SLC30A8: variants seen among roughly 807,000 people sequenced by gnomAD.
SLC30A8 encodes solute carrier family 30 member 8.
In SLC30A8, 27 loss-of-function variants were observed where a neutral mutation model predicts 36.9. That is an observed-to-expected ratio of 0.73 (90% CI 0.54 to 1.01). The LOEUF (loss-of-function observed/expected upper bound fraction) is 1.01, where lower values mean the gene tolerates loss of function less well. Among genes scored for constraint, SLC30A8 ranks in the 50% least tolerant of loss-of-function variants. The probability of loss-of-function intolerance (pLI) is 0.00; values close to 1 mark genes in which losing one functional copy is unlikely to be tolerated. For missense variants in SLC30A8, 439 were observed against 452.0 expected, an observed-to-expected ratio of 0.97 and a Z score of 0.26; for synonymous variants, 164 against 172.4, an observed-to-expected ratio of 0.95 and a Z score of 0.38.
rs201353146 is a variant in SLC30A8 at position 117,163,411 on chromosome 8, G to GT, written c.724-5dup. ...ATGAATTCAGTTAACCAAAATCCCT[G>GT]TTTTTTTTTCTAGCCAGAGTATAAA... On this transcript the variant is annotated splice_polypyrimidine_tract_variant and intron_variant, in intron 5 of 7. Transcript: ENST00000456015. 0.011 allele frequency: 15,927 copies of GT among 1,488,140 alleles called. 33 individuals carry two copies. Among genetic ancestry groups the GT allele is most frequent in the Non-Finnish European group, 0.013 (13,717 of 1,088,140 alleles). The allele number at this position is 1,488,140 out of a possible 1,614,324, so 92.2% of individuals were successfully genotyped here. A position where few individuals can be genotyped will look rare whatever the true frequency, so the allele number is the denominator to read the frequency against.
intron 4 of SLC30A8, among the ~76,000 whole-genome samples, chr8:117,160,594 TC>T (rs1363746919): frequency 6.6e-6 from 1 of 152,220 alleles, no homozygotes; most frequent in African/African-American, 2.4e-5. Context: ...CAAGTTTTTT[TC>T]CTCTCTCTTT....
chr8:117,017,924 C>T (rs1188688321), intron 1 of SLC30A8: 1 of 152,160 alleles, frequency 6.6e-6, no homozygotes, highest in African/African-American at 2.4e-5. Context: ...TTTCTTGTAA[C>T]CATATTTGAA....
chr8:117,150,053 C>A (rs1339835086), intron 2 of SLC30A8, among the ~76,000 whole-genome samples: 3 of 152,164 alleles, frequency 2.0e-5, no homozygotes, highest in Non-Finnish European at 2.9e-5. Context: ...ACACAGACAG[C>A]AACCCTGGTC....
chr8:117,072,811 A>G (rs1000026854), intron 2 of SLC30A8, among the ~76,000 whole-genome samples: 18 of 151,774 alleles, frequency 1.2e-4, no homozygotes, highest in Non-Finnish European at 2.6e-4. Flanking sequence ...AAAGAAAAAA[A>G]CTGCTCAAAC....
intron 2 of SLC30A8, among the ~76,000 whole-genome samples, chr8:117,047,271 C>G (rs980477980): frequency 1.3e-5 from 2 of 152,102 alleles, no homozygotes; most frequent in African/African-American, 4.8e-5. Flanking sequence ...GGGTCGCAGC[C>G]TTGTCTTTGT....
intron 6 of SLC30A8, 130 bp from the exon 7 acceptor site, chr8:117,170,904 T>C (rs1413057017): frequency 2.7e-6 from 2 of 735,046 alleles, no homozygotes; most frequent in African/African-American, 1.8e-5. Context: ...TTTGTAAACA[T>C]TTGAAGTAAG....
chr8:117,021,957 G>A (rs879336506), intron 1 of SLC30A8, among the ~76,000 whole-genome samples: 17 of 148,608 alleles, frequency 1.1e-4, no homozygotes, highest in Non-Finnish European at 2.0e-4. Flanking sequence ...TAGTCATATG[G>A]GAGAAAAAAA....
intron 2 of SLC30A8, among the ~76,000 whole-genome samples, chr8:117,127,078 A>G (rs1820936313): frequency 6.6e-6 from 1 of 152,018 alleles, no homozygotes; most frequent in Non-Finnish European, 1.5e-5. Context: ...ACTGCTTTCT[A>G]GAAGAGAGGC....
At chr8:117,001,244 C>G (rs1158374251) in intron 1 of SLC30A8, among the ~76,000 whole-genome samples, 1 of 112,212 alleles carries the variant, frequency 8.9e-6, no homozygotes, top group East Asian at 2.8e-4. Context: ...TCTCTTTGCT[C>G]ATTGGGTGAA....
At chr8:116,993,208 T>C (rs998515586) in intron 1 of SLC30A8, among the ~76,000 whole-genome samples, 2 of 151,154 alleles carry the variant, frequency 1.3e-5, no homozygotes, top group African/African-American at 2.5e-5. Flanking sequence ...TCTGCAGTGC[T>C]AGAGAGGCAG....
At chr8:116,985,029 G>T in intron 1 of SLC30A8, among the ~76,000 whole-genome samples, 1 of 151,900 alleles carries the variant, frequency 6.6e-6, no homozygotes, top group Non-Finnish European at 1.5e-5. Flanking sequence ...TATGGTTTCT[G>T]TGTTTGTGTG....
Position 117,175,634 on chromosome 8 carries a change from TAAA to T in SLC30A8, c.*2956_*2958del, listed in dbSNP as rs1823641234. ...TGAGAGTTTAATAAATTAGGACACT[TAAA>T]AATGTTGGAGCAGTGCATAGCATGT... On this transcript the variant is annotated 3_prime_UTR_variant, in exon 8 of 8. Coordinates refer to ENST00000456015, the MANE Select transcript of SLC30A8 (RefSeq NM_173851.3). 6.6e-6 allele frequency: 1 copy of T among 152,138 alleles called. No homozygotes were observed. The highest frequency in any genetic ancestry group is 2.4e-5 in the African/African-American group (1 of 41,450). The allele number at this position is 152,138 out of a possible 1,614,324, so 9.4% of individuals were successfully genotyped here. A position where few individuals can be genotyped will look rare whatever the true frequency, so the allele number is the denominator to read the frequency against.
chr8:117,097,955 T>TTTAAA (rs1819522661), intron 2 of SLC30A8, among the ~76,000 whole-genome samples: 1 of 119,654 alleles, frequency 8.4e-6, no homozygotes, highest in African/African-American at 3.2e-5. Context: ...TAATTTTAAA[T>TTTAAA]AAATATATTA....
At chr8:117,051,402 G>C (rs1817702354) in intron 2 of SLC30A8, among the ~76,000 whole-genome samples, 1 of 152,166 alleles carries the variant, frequency 6.6e-6, no homozygotes, top group Admixed American at 6.5e-5. Context: ...TGTTGGAGGC[G>C]GGGCCTCATG....
upstream of SLC30A8, chr8:117,130,350 G>C (rs910294075): frequency 6.6e-6 from 1 of 151,968 alleles, no homozygotes; most frequent in Admixed American, 6.6e-5. Context: ...TGGAGATTCA[G>C]AGGAGACGAT....
intron 1 of SLC30A8, among the ~76,000 whole-genome samples, chr8:116,997,708 T>C (rs1319125061): frequency 6.6e-6 from 1 of 152,136 alleles, no homozygotes; most frequent in Admixed American, 6.5e-5. Context: ...AGGAATTTCT[T>C]TGGAATGAGG....
intron 2 of SLC30A8, among the ~76,000 whole-genome samples, chr8:117,051,767 C>T (rs543137459): frequency 7.9e-4 from 120 of 151,798 alleles, no homozygotes; most frequent in African/African-American, 2.2e-3. Context: ...GAGCCTAGAT[C>T]GTGCCACTGC....
At chr8:117,067,065 T>C (rs761976946) in intron 2 of SLC30A8, among the ~76,000 whole-genome samples, 1 of 152,150 alleles carries the variant, frequency 6.6e-6, no homozygotes, top group Admixed American at 6.6e-5. Flanking sequence ...CTTCTTCACA[T>C]GGCAGCAGCA....
intron 1 of SLC30A8, among the ~76,000 whole-genome samples, chr8:116,956,588 A>C: frequency 6.6e-6 from 1 of 152,196 alleles, no homozygotes; most frequent in East Asian, 1.9e-4. Context: ...AAAACAGTGT[A>C]TATCTATATA....
Sources: allele counts gnomAD v4.1 joint callset (sites outside exome capture counted in the v4.1 genomes callset), GRCh38; gene constraint gnomAD v4.1.1; transcripts MANE v1.5; gene names NCBI Gene and HGNC (gene_info 2026-07-23, HGNC 2026-07-21).